The following MYO18B variants were observed in gnomAD, a reference collection of about 807,000 sequenced individuals.
MYO18B encodes the protein unconventional myosin-XVIIIb.
Under a neutral mutation model 273.0 loss-of-function variants are expected in MYO18B, and 204 were observed. That is an observed-to-expected ratio of 0.75 (90% confidence interval 0.67 to 0.84). The LOEUF (loss-of-function observed/expected upper bound fraction) is 0.84. MYO18B is among the 40% of genes least tolerant of loss of function. The probability of loss-of-function intolerance (pLI) is 0.00; values close to 1 mark genes in which losing one functional copy is unlikely to be tolerated. For missense variants in MYO18B, 3,212 were observed against 3,287.6 expected, an observed-to-expected ratio of 0.98 and a Z score of 0.56; for synonymous variants, 1,330 against 1,305.7, an observed-to-expected ratio of 1.02 and a Z score of -0.40.
chr22:25,847,726 GA>G, intron 20 of MYO18B, 74 bp downstream of exon 20: 3 of 1,160,302 alleles, frequency 2.6e-6, no homozygotes, highest in Non-Finnish European at 3.7e-6. Flanking sequence ...GCAGCCAAGG[GA>G]TGGGAGCCCC....
intron 32 of MYO18B, among the ~76,000 whole-genome samples, 175 bp from the exon 33 acceptor site, chr22:25,910,771 G>C (rs1254496991): frequency 6.6e-6 from 1 of 152,158 alleles, no homozygotes; most frequent in Non-Finnish European, 1.5e-5. Flanking sequence ...CAGCTCCCAA[G>C]CTTTTAGGCT....
intron 40 of MYO18B, among the ~76,000 whole-genome samples, chr22:25,996,238 G>A (rs1933224010): frequency 6.6e-6 from 1 of 152,172 alleles, no homozygotes; most frequent in Non-Finnish European, 1.5e-5. Context: ...TGGCTTCCTA[G>A]CACATTACCT....
intron 9 of MYO18B, among the ~76,000 whole-genome samples, chr22:25,781,425 C>T (rs1197761468): frequency 6.6e-6 from 1 of 151,796 alleles, no homozygotes. Context: ...CTGGCTAATG[C>T]GGTGAAACCC....
In MYO18B at chr22:25,839,877, C is replaced by T. The variant is rs78084348; in HGVS notation, c.3209-3858C>T. Among the ~76,000 whole-genome samples, 962 of 152,322 alleles carry T rather than the reference C, an allele frequency of 6.3e-3. 11 individuals are homozygous for T. Among genetic ancestry groups the T allele is most frequent in the African/African-American group, 0.021 (886 of 41,566 alleles). ...CTGTTGGCGACTCCTGGAAAGTCCC[C>T]TCCTGGTTCTGTAGGATGGCAGTCC... On this transcript the variant is annotated intron_variant, in intron 17 of 43. Coordinates refer to ENST00000335473, the MANE Select transcript of MYO18B (RefSeq NM_032608.7).
chr22:25,969,485 A>C (rs1168192351), intron 39 of MYO18B, among the ~76,000 whole-genome samples: 1 of 152,232 alleles, frequency 6.6e-6, no homozygotes, highest in Non-Finnish European at 1.5e-5. Flanking sequence ...ATTAAGACAT[A>C]GTCACAAACA....
intron 42 of MYO18B, among the ~76,000 whole-genome samples, chr22:26,009,129 G>A (rs1934680196): frequency 1.3e-5 from 2 of 152,172 alleles, no homozygotes; most frequent in Admixed American, 1.3e-4. Flanking sequence ...CTCTCAGGAG[G>A]CAACTCCACT....
At chr22:25,759,980 C>T (rs2086250443) in intron 1 of MYO18B, among the ~76,000 whole-genome samples, 2 of 152,166 alleles carry the variant, frequency 1.3e-5, no homozygotes, top group African/African-American at 4.8e-5. Context: ...TTCTAAGGCT[C>T]TCAATATGAT....
Position 25,768,981 on chromosome 22 carries a change from G to A in MYO18B, c.1065G>A (p.Met355Ile). ...AEKTGEPQTQ[M>I]EKTSQVQGEL... ...AGACAGGTGAGCCTCAGACCCAGAT[G>A]GAGAAGACAAGCCAAGTGCAGGGCG... Residue 355 changes from methionine (M) to isoleucine (I), a missense_variant, in exon 4 of 44, where the codon ATG becomes ATA. Physicochemically the swap from Met to Ile is conservative, Grantham distance 10. Transcript: ENST00000335473. 6.2e-7 allele frequency: 1 copy of A among 1,611,428 alleles called. No individual in the cohort carries two copies. Among genetic ancestry groups the A allele is most frequent in the Non-Finnish European group, 8.5e-7 (1 of 1,178,744 alleles).
At chr22:26,038,650 ACT>A in the MYO18B span, among the ~76,000 whole-genome samples, 6 of 151,648 alleles carry the variant, frequency 4.0e-5, no homozygotes, top group South Asian at 2.1e-4. Context: ...CTGTAGTTAC[ACT>A]CTCTCTCCAC....
In MYO18B at chr22:25,925,902, C is replaced by CAAA. The variant is rs34754921; in HGVS notation, c.5517+4512_5517+4514dup. On this transcript the variant is annotated intron_variant, in intron 34 of 43. Transcript: ENST00000335473. ...CATGGGCAACAGAGCAAGACTCTGT[C>CAAA]AAAAAAAAAAAAAAAAAAAAAGGCC... is the stretch of plus-strand genomic sequence containing the variant. Among the ~76,000 whole-genome samples, 17 of 65,750 alleles carry CAAA rather than the reference C, an allele frequency of 2.6e-4. 2 individuals carry two copies. Among genetic ancestry groups the CAAA allele is most frequent in the East Asian group, 1.1e-3 (2 of 1,800 alleles). 43.1% of individuals were successfully genotyped at this position (65,750 alleles called of 152,430 possible). A position where few individuals can be genotyped will look rare whatever the true frequency, so the allele number is the denominator to read the frequency against.
At position 26,027,126 on chromosome 22, in the gene MYO18B, G is replaced by T. The variant is rs761773314; in HGVS notation, c.7152G>T (p.Arg2384Ser). The T allele has an allele frequency of 2.3e-5, 37 of 1,613,856 alleles. No individual in the cohort carries two copies. The East Asian group carries it at 7.8e-4, about 34-fold the overall frequency. The change falls in exon 43 of 44, where the codon AGG becomes AGT. Residue 2384 changes from arginine (R) to serine (S), a missense_variant. Coordinates refer to ENST00000335473, the MANE Select transcript of MYO18B (RefSeq NM_032608.7). The surrounding 1 kb of genome is among the most constrained non-coding windows in gnomAD (Gnocchi z 4.1). ...MLLSPTLRPR[R>S]RCLESSVDDA... ...TGTCGCCCACACTGCGTCCTCGGAG[G>T]CGGTGTCTGGAGTCCTCTGTGGACG...
intron 21 of MYO18B, 96 bp from the exon 22 acceptor site, chr22:25,868,224 C>T (rs1022201436): frequency 2.6e-5 from 27 of 1,022,754 alleles, no homozygotes; most frequent in Admixed American, 1.3e-4. Context: ...GGTCATCCTC[C>T]GTCCTGGCGC....
At chr22:25,951,911 C>T (rs1333519060) in intron 37 of MYO18B, among the ~76,000 whole-genome samples, 2 of 152,348 alleles carry the variant, frequency 1.3e-5, no homozygotes, top group East Asian at 3.9e-4. Flanking sequence ...ACCTGGCTCC[C>T]AAACCCACAC....
chr22:25,974,795 A>G (rs2093071105), intron 39 of MYO18B, among the ~76,000 whole-genome samples: 1 of 152,196 alleles, frequency 6.6e-6, no homozygotes. Flanking sequence ...TATGGTTCCA[A>G]AGGGTCCCAT....
chr22:25,790,165 C>A (rs62224693), intron 11 of MYO18B, among the ~76,000 whole-genome samples: 1 of 95,600 alleles, frequency 1.0e-5, no homozygotes, highest in African/African-American at 3.8e-5. Context: ...AAAAAAACAA[C>A]AAACTTTCAC....
chr22:25,763,388 AGGTAAGT>A lies in MYO18B; in HGVS notation c.198+3_198+9del. ...TTAGCTGTCGCCTCTCCAGAACGAG[AGGTAAGT>A]GGTTCCTAAGAAGGAGGACCGTATG... On this transcript the variant is annotated splice_donor_variant and splice_donor_5th_base_variant and coding_sequence_variant and intron_variant, in exon 3 of 44. Transcript: ENST00000335473. LOFTEE classifies it high-confidence loss of function. 2 of 1,607,136 alleles carry A rather than the reference AGGTAAGT, an allele frequency of 1.2e-6. No homozygotes were observed. Among genetic ancestry groups the A allele is most frequent in the Non-Finnish European group, 1.7e-6 (2 of 1,178,356 alleles).
chr22:25,948,538 T>TCCTTCCTTCCTTCCTTCCTTCCTTCCTC (rs1448748278), intron 36 of MYO18B, among the ~76,000 whole-genome samples: 1 of 149,482 alleles, frequency 6.7e-6, no homozygotes, highest in African/African-American at 2.5e-5. Context: ...CTTCCTTCCT[T>TCCTTCCTTCCTTCCTTCCTTCCTTCCTC]CCTTCCTTCC....
At chr22:25,826,546 A>T in intron 14 of MYO18B, 47 bp downstream of exon 14, 1 of 1,515,522 alleles carries the variant, frequency 6.6e-7, no homozygotes. Context: ...TTGCAGGTGC[A>T]CAGATGAATT....
In MYO18B at chr22:25,902,629, G is replaced by A. The variant is rs1446796047; in HGVS notation, c.4840G>A (p.Ala1614Thr). 1 of 1,606,926 alleles carries A rather than the reference G, an allele frequency of 6.2e-7. No homozygotes were observed. ...TTTGCACAGGTTTGACCTGCAGCTG[G>A]CCCAGGCCCTAGGTGAGTCAGTGTT... ...KKQKKFDLQL[A>T]QALGESVFEK... The change falls in exon 30 of 44, where the codon GCC becomes ACC. Residue 1614 changes from alanine (A) to threonine (T), a missense_variant. Coordinates refer to ENST00000335473, the MANE Select transcript of MYO18B (RefSeq NM_032608.7).
Sources: allele counts gnomAD v4.1 joint callset (sites outside exome capture counted in the v4.1 genomes callset), GRCh38; gene constraint gnomAD v4.1.1; non-coding constraint Gnocchi (gnomAD v3.1); transcripts MANE v1.5; gene names NCBI Gene and HGNC (gene_info 2026-07-23, HGNC 2026-07-21).